C6orf52: variants seen among roughly 807,000 people sequenced by gnomAD.
C6orf52 encodes the protein chromosome 6 open reading frame 52.
Under a neutral mutation model 16.6 loss-of-function variants are expected in C6orf52, and 16 were observed. That is an observed-to-expected ratio of 0.96 (90% confidence interval 0.65 to 1.46). The LOEUF (loss-of-function observed/expected upper bound fraction) is 1.46, where lower values mean the gene tolerates loss of function less well. Among genes scored for constraint, C6orf52 ranks in the 40% most tolerant of loss-of-function variants. C6orf52 has a pLI of 0.00. For synonymous variants in C6orf52, 53 were observed against 61.4 expected, an observed-to-expected ratio of 0.86 and a Z score of 0.64; for missense variants, 166 against 182.3, an observed-to-expected ratio of 0.91 and a Z score of 0.52.
At chr6:10,684,372 TA>T (rs1768668741) in intron 3 of C6orf52, among the ~76,000 whole-genome samples, 1 of 152,184 alleles carries the variant, frequency 6.6e-6, no homozygotes, top group South Asian at 2.1e-4. Flanking sequence ...CACACTTCCA[TA>T]AGTTCCTTTC....
Position 10,687,474 on chromosome 6 carries a change from A to C in C6orf52, c.71+6T>G. ...TTCCTTTTCAAAGTAGGAGAAAACC[A>C]CTCACCTTTGCCAGTAGCAGTAATA... On this transcript the variant is annotated splice_donor_region_variant and intron_variant, in intron 2 of 4. Coordinates refer to ENST00000259983, the MANE Select transcript of C6orf52 (RefSeq NM_001145020.3). 2.0e-6 allele frequency: 3 copies of C among 1,537,696 alleles called. No homozygotes were observed. The highest frequency in any genetic ancestry group is 2.6e-6 in the Non-Finnish European group (3 of 1,135,210).
chr6:10,692,674 C>T (rs1019847865), intron 1 of C6orf52, among the ~76,000 whole-genome samples: 1 of 152,062 alleles, frequency 6.6e-6, no homozygotes, highest in African/African-American at 2.4e-5. Flanking sequence ...CTCTTGATCT[C>T]GTCAAAGTGC....
intron 3 of C6orf52, chr6:10,684,976 G>C: frequency 5.8e-6 from 6 of 1,036,948 alleles, no homozygotes; most frequent in Non-Finnish European, 7.5e-6. Flanking sequence ...AAAAATGCAT[G>C]TTATAGTAAT....
At chr6:10,681,119 A>G (rs1248869443) in intron 4 of C6orf52, among the ~76,000 whole-genome samples, 1 of 152,098 alleles carries the variant, frequency 6.6e-6, no homozygotes, top group Non-Finnish European at 1.5e-5. Context: ...GAAACTTTTT[A>G]TTACTGTTTC....
chr6:10,686,373 C>A (rs1193601144), intron 3 of C6orf52, among the ~76,000 whole-genome samples: 7 of 152,124 alleles, frequency 4.6e-5, no homozygotes, highest in African/African-American at 1.7e-4. Context: ...CATAGATCCA[C>A]TCCACAGTAC....
At position 10,687,519 on chromosome 6, in the gene C6orf52, C is replaced by A; in HGVS notation, c.32G>T (p.Gly11Val). The A allele has an allele frequency of 6.4e-7, 1 of 1,550,994 alleles. No homozygotes were observed. The highest frequency in any genetic ancestry group is 8.7e-7 in the Non-Finnish European group (1 of 1,146,538). Residue 11 changes from glycine to valine, a missense_variant, in exon 2 of 5, where the codon GGC (glycine) becomes GTC (valine). Transcript: ENST00000259983. ...GTAATAGTTATTTTGTTGAGCTATG[C>A]CAAAATCTGCAGAACTCTCTGGTTG... MAQPESSADF[G>V]IAQQNNYYCY...
At chr6:10,678,041 GGTAATTCCAATCCTACT>G (rs1163107498) in intron 4 of C6orf52, among the ~76,000 whole-genome samples, 8 of 151,802 alleles carry the variant, frequency 5.3e-5, no homozygotes, top group Non-Finnish European at 8.8e-5. Context: ...AGCTGGGTGT[GGTAATTCCAATCCTACT>G]GTAATTCCAA....
intron 4 of C6orf52, among the ~76,000 whole-genome samples, chr6:10,672,898 A>C (rs1156888206): frequency 1.3e-5 from 2 of 152,228 alleles, no homozygotes; most frequent in Non-Finnish European, 2.9e-5. Flanking sequence ...TAGAAGACTA[A>C]TGCAGTACTC....
At chr6:10,693,938 A>G (rs1204458737) in intron 1 of C6orf52, among the ~76,000 whole-genome samples, 1 of 152,134 alleles carries the variant, frequency 6.6e-6, no homozygotes, top group South Asian at 2.1e-4. Context: ...TATGTTGCTC[A>G]GGCTCACTTT....
chr6:10,694,630 C>CAAAAAA, upstream of C6orf52: 1 of 199,042 alleles, frequency 5.0e-6, no homozygotes, highest in South Asian at 8.1e-5. Flanking sequence ...CCCACCTCCT[C>CAAAAAA]CTGATGTCAC....
chr6:10,692,131 T>A (rs1769368947), intron 1 of C6orf52, among the ~76,000 whole-genome samples: 1 of 152,202 alleles, frequency 6.6e-6, no homozygotes, highest in African/African-American at 2.4e-5. Flanking sequence ...TAACAGAATA[T>A]ACAAAGCATG....
intron 4 of C6orf52, among the ~76,000 whole-genome samples, chr6:10,676,715 C>G (rs1385216295): frequency 6.6e-6 from 1 of 152,236 alleles, no homozygotes; most frequent in African/African-American, 2.4e-5. Context: ...CCTCCTCAAG[C>G]CTGCCTGTAA....
chr6:10,671,570 T>C lies in C6orf52; in HGVS notation c.345A>G (p.Glu115=). 1 of 1,545,074 alleles carries C rather than the reference T, an allele frequency of 6.5e-7. No homozygotes were observed. The highest frequency in any genetic ancestry group is 8.7e-7 in the Non-Finnish European group (1 of 1,144,138). Residue 115 remains glutamate, a synonymous_variant, in exon 5 of 5, where the codon GAA becomes GAG. Transcript: ENST00000259983. ...EDPHLHLNIE[E]SNQEFMVKSE... Reference sequence around the variant, plus strand: ...TTTTCACCATAAACTCTTGGTTTGATTCCTCAATATTCAAATGAAGATGTG... The same window carrying C: ...TTTTCACCATAAACTCTTGGTTTGACTCCTCAATATTCAAATGAAGATGTG...
At chr6:10,674,928 G>A (rs963816584) in intron 4 of C6orf52, among the ~76,000 whole-genome samples, 2 of 151,462 alleles carry the variant, frequency 1.3e-5, no homozygotes, top group African/African-American at 4.9e-5. Flanking sequence ...CCCTGCCTCA[G>A]CCTCCCAAGT....
intron 4 of C6orf52, among the ~76,000 whole-genome samples, chr6:10,680,303 T>A (rs1355711634): frequency 6.6e-6 from 1 of 151,516 alleles, no homozygotes; most frequent in African/African-American, 2.5e-5. Flanking sequence ...GTTGATGGGA[T>A]AATGGGATGT....
intron 3 of C6orf52, among the ~76,000 whole-genome samples, chr6:10,685,439 A>C (rs1032679288): frequency 6.6e-6 from 1 of 152,226 alleles, no homozygotes; most frequent in African/African-American, 2.4e-5. Flanking sequence ...GAAAAATTGA[A>C]AATGAAAGTT....
chr6:10,694,602 AACCG>A lies in C6orf52; in HGVS notation c.-124_-121del. On this transcript the variant is annotated 5_prime_UTR_variant, in exon 1 of 5. Coordinates refer to ENST00000259983, the MANE Select transcript of C6orf52 (RefSeq NM_001145020.3). ...GCTGCCGGCGCTACAGCCCCTAAGC[AACCG>A]GCCGGAAGTCGGCCCCACCTCCTCC... 2.5e-5 allele frequency: 5 copies of A among 196,498 alleles called. No homozygotes were observed. Among genetic ancestry groups the A allele is most frequent in the Non-Finnish European group, 5.4e-5 (5 of 92,148 alleles). The allele number at this position is 196,498 out of a possible 1,614,324, so 12.2% of individuals were successfully genotyped here.
At chr6:10,691,114 A>G (rs1012235390) in intron 1 of C6orf52, among the ~76,000 whole-genome samples, 1 of 152,228 alleles carries the variant, frequency 6.6e-6, no homozygotes, top group South Asian at 2.1e-4. Flanking sequence ...TTCTCCAGAC[A>G]TATCTCAGCA....
intron 4 of C6orf52, among the ~76,000 whole-genome samples, chr6:10,679,578 AAACAAAAAAC>A (rs1234984728): frequency 6.0e-4 from 78 of 128,990 alleles, no homozygotes; most frequent in African/African-American, 3.6e-3. Context: ...TAAAAAAAAA[AAACAAAAAAC>A]AAAAACCATA....
Sources: allele counts gnomAD v4.1 joint callset (sites outside exome capture counted in the v4.1 genomes callset), GRCh38; gene constraint gnomAD v4.1.1; transcripts MANE v1.5; gene names NCBI Gene and HGNC (gene_info 2026-07-23, HGNC 2026-07-21).